The following DCLK1 variants were observed in gnomAD, a reference collection of about 807,000 sequenced individuals.
The protein encoded by DCLK1 is serine/threonine-protein kinase DCLK1.
In DCLK1, 16 loss-of-function variants were observed where a neutral mutation model predicts 86.2. The observed-to-expected ratio is 0.19, with a 90% CI of 0.13 to 0.28. The LOEUF (loss-of-function observed/expected upper bound fraction) is 0.28. Among genes scored for constraint, DCLK1 ranks in the 10% least tolerant of loss-of-function variants. DCLK1 has a pLI of 1.00. For synonymous variants in DCLK1, 369 were observed against 370.5 expected, an observed-to-expected ratio of 1.00 and a Z score of 0.05; for missense variants, 590 against 940.2, an observed-to-expected ratio of 0.63 and a Z score of 4.87.
chr13:35,780,153 T>C (rs183668511), intron 16 of DCLK1, among the ~76,000 whole-genome samples: 8 of 152,270 alleles, frequency 5.3e-5, no homozygotes, highest in African/African-American at 1.9e-4. Context: ...TGGCTAGCTT[T>C]ACTCTTTATC....
intron 3 of DCLK1, among the ~76,000 whole-genome samples, chr13:36,075,184 G>C (rs2153162330): frequency 6.6e-6 from 1 of 152,276 alleles, no homozygotes; most frequent in Admixed American, 6.5e-5. Flanking sequence ...GTTATTGAAG[G>C]TGAAGAATAT....
At chr13:35,915,344 C>T (rs1211535418) in intron 4 of DCLK1, among the ~76,000 whole-genome samples, 3 of 152,136 alleles carry the variant, frequency 2.0e-5, no homozygotes, top group South Asian at 4.1e-4. Flanking sequence ...TGTTACCAGC[C>T]GCAAAGGCTG....
intron 3 of DCLK1, among the ~76,000 whole-genome samples, chr13:35,954,500 T>A (rs983692079): frequency 1.3e-5 from 2 of 152,210 alleles, no homozygotes; most frequent in Non-Finnish European, 2.9e-5. Flanking sequence ...TGTAATTCCA[T>A]ATGTTTCTGG....
chr13:35,912,491 G>A (rs968403370), intron 4 of DCLK1, among the ~76,000 whole-genome samples: 2 of 152,146 alleles, frequency 1.3e-5, no homozygotes, highest in African/African-American at 4.8e-5. Context: ...AAGATGATTC[G>A]ACTTCAGTGG....
intron 3 of DCLK1, among the ~76,000 whole-genome samples, chr13:36,056,651 A>G (rs1883326955): frequency 7.6e-6 from 1 of 132,120 alleles, no homozygotes; most frequent in South Asian, 2.6e-4. Context: ...GAAATTCCAG[A>G]GCACACAAAA....
intron 3 of DCLK1, among the ~76,000 whole-genome samples, chr13:35,961,361 G>A (rs1313528626): frequency 2.0e-5 from 3 of 152,162 alleles, no homozygotes; most frequent in Admixed American, 6.5e-5. Flanking sequence ...ATGGAAGAGA[G>A]AGCAAAATAA....
intron 3 of DCLK1, among the ~76,000 whole-genome samples, chr13:36,076,780 T>G (rs1448308670): frequency 6.6e-6 from 1 of 152,212 alleles, no homozygotes; most frequent in Non-Finnish European, 1.5e-5. Context: ...CTCTGCCCTC[T>G]GAAGCAATGT....
intron 6 of DCLK1, among the ~76,000 whole-genome samples, chr13:35,841,792 C>G (rs1272876509): frequency 6.6e-6 from 1 of 152,144 alleles, no homozygotes; most frequent in African/African-American, 2.4e-5. Context: ...ATAGTATTAT[C>G]TCTTTTTTCC....
intron 3 of DCLK1, among the ~76,000 whole-genome samples, chr13:35,991,500 A>G (rs1202709419): frequency 6.6e-6 from 1 of 151,950 alleles, no homozygotes; most frequent in East Asian, 1.9e-4. Flanking sequence ...ACCTTTATGA[A>G]AAATTTAAAA....
intron 4 of DCLK1, among the ~76,000 whole-genome samples, chr13:35,932,061 C>T (rs1829686855): frequency 6.6e-6 from 1 of 152,154 alleles, no homozygotes; most frequent in African/African-American, 2.4e-5. Context: ...TGTGAGGATG[C>T]TTCTGGGTGA....
At chr13:35,909,051 G>GA (rs1375675400) in intron 4 of DCLK1, among the ~76,000 whole-genome samples, 2 of 152,204 alleles carry the variant, frequency 1.3e-5, no homozygotes, top group African/African-American at 4.8e-5. Flanking sequence ...TCATATCTCA[G>GA]GAAGCAGAGA....
intron 3 of DCLK1, among the ~76,000 whole-genome samples, chr13:36,001,426 C>T (rs565112226): frequency 8.8e-4 from 134 of 152,238 alleles, no homozygotes; most frequent in African/African-American, 3.1e-3. Context: ...TTTGTGTGAC[C>T]TCATGCAGGT....
chr13:36,099,488 G>T (rs924106242), intron 3 of DCLK1, among the ~76,000 whole-genome samples: 8 of 152,068 alleles, frequency 5.3e-5, no homozygotes, highest in African/African-American at 1.9e-4. Flanking sequence ...AATGAAACTT[G>T]CAGTGAGTCT....
intron 3 of DCLK1, among the ~76,000 whole-genome samples, chr13:36,108,208 G>A (rs534560719): frequency 7.1e-4 from 108 of 152,256 alleles, no homozygotes; most frequent in African/African-American, 1.5e-3. Context: ...GAGGAAGGTC[G>A]GGGCAACCAT....
rs1466478238 is a variant in DCLK1, at chr13:35,973,593, G to A, written c.724-26136C>T. ...CTTTAGATTCCAAATGCCTAGCCCAGTGCTGGCAAAAAGAAGGTGCTCAAC... is the reference window on the plus strand; with the variant it reads ...CTTTAGATTCCAAATGCCTAGCCCAATGCTGGCAAAAAGAAGGTGCTCAAC... On this transcript the variant is annotated intron_variant, in intron 3 of 16. Transcript: ENST00000360631. Among the ~76,000 whole-genome samples the A allele has an allele frequency of 4.5e-4, 69 of 152,268 alleles. 1 individual carries two copies. The highest frequency in any genetic ancestry group is 1.5e-5 in the Non-Finnish European group (1 of 68,022).
chr13:35,990,299 C>G (rs1187741775), intron 3 of DCLK1, among the ~76,000 whole-genome samples: 1 of 152,188 alleles, frequency 6.6e-6, no homozygotes. Flanking sequence ...ACTACGGCTT[C>G]TATTAATGCT....
At chr13:36,057,161 C>T (rs746222495) in intron 3 of DCLK1, among the ~76,000 whole-genome samples, 1 of 151,794 alleles carries the variant, frequency 6.6e-6, no homozygotes. Flanking sequence ...ATGATGATGA[C>T]GATGAGGATG....
Position 36,039,461 on chromosome 13 carries a change from T to G in DCLK1, c.723+72408A>C, listed in dbSNP as rs185654198. Among the ~76,000 whole-genome samples the G allele has an allele frequency of 2.6e-3, 401 of 152,336 alleles. 3 individuals are homozygous for G. In the Middle Eastern group the frequency reaches 0.027, roughly 10 times the overall value. Reference sequence around the variant, plus strand: ...AAATTGGTGAATAAAATTCACACTCTTCAAAATGTGCGAACATCGGTGATT... The same window carrying G: ...AAATTGGTGAATAAAATTCACACTCGTCAAAATGTGCGAACATCGGTGATT... On this transcript the variant is annotated intron_variant, in intron 3 of 16. Transcript: ENST00000360631.
chr13:36,043,325 T>TA (rs57162714), intron 3 of DCLK1, among the ~76,000 whole-genome samples: 75 of 150,070 alleles, frequency 5.0e-4, no homozygotes, highest in South Asian at 1.3e-3. Context: ...CCTAGAAATT[T>TA]AAAAAAAAAA....
Sources: gnomAD v4.1 joint callset for allele counts (sites outside exome capture counted in the v4.1 genomes callset) on GRCh38, gnomAD v4.1.1 for gene constraint, MANE v1.5 for transcripts, NCBI Gene and HGNC (gene_info 2026-07-23, HGNC 2026-07-21) for gene names.